ITGA6: variants seen among roughly 807,000 people sequenced by gnomAD.
The protein encoded by ITGA6 is integrin subunit alpha 6.
A neutral mutation model predicts 133.6 loss-of-function variants in ITGA6; 63 were observed. That is an observed-to-expected ratio of 0.47 (90% CI 0.38 to 0.58). The LOEUF is 0.58. ITGA6 is among the 20% of genes least tolerant of loss of function. ITGA6 has a pLI of 0.00. For missense variants in ITGA6, 1,068 were observed against 1,309.4 expected (o/e 0.82, Z 2.85); for synonymous variants, 434 against 482.0 (o/e 0.90, Z 1.30).
intron 1 of ITGA6, among the ~76,000 whole-genome samples, chr2:172,433,262 C>T (rs1039597662): frequency 6.6e-6 from 1 of 152,144 alleles, no homozygotes; most frequent in Non-Finnish European, 1.5e-5. Flanking sequence ...CTTGGGCAAC[C>T]TTTTATAAAA....
chr2:172,453,966 GTC>G (rs1445323842), intron 1 of ITGA6, among the ~76,000 whole-genome samples: 1 of 152,172 alleles, frequency 6.6e-6, no homozygotes, highest in African/African-American at 2.4e-5. Flanking sequence ...TGAGCAAATG[GTC>G]TCACACACAG....
intron 20 of ITGA6, 180 bp from the exon 21 acceptor site, chr2:172,490,844 G>C: frequency 1.7e-6 from 1 of 578,322 alleles, no homozygotes; most frequent in South Asian, 2.0e-5. Flanking sequence ...CAATAAACTT[G>C]AATTTAGAGT....
chr2:172,453,533 A>G (rs1211528855), intron 1 of ITGA6, among the ~76,000 whole-genome samples: 1 of 152,302 alleles, frequency 6.6e-6, no homozygotes, highest in East Asian at 1.9e-4. Flanking sequence ...AAAGAAAATC[A>G]CAGTATACAT....
Position 172,504,273 on chromosome 2 carries a change from G to T in ITGA6, c.*205G>T. The T allele has an allele frequency of 7.7e-7, 1 of 1,307,124 alleles. No individual in the cohort carries two copies. The allele number at this position is 1,307,124 out of a possible 1,614,324, so 81.0% of individuals were successfully genotyped here. On this transcript the variant is annotated 3_prime_UTR_variant, in exon 26 of 26. Transcript: ENST00000684293. ...CATAGCGGGGGCCTAAAAAAAAAAA[G>T]CTTCACAGTACCCAAACTGCTTTTT...
At chr2:172,449,938 AAAAAAGAG>A (rs1391407358) in intron 1 of ITGA6, among the ~76,000 whole-genome samples, 3 of 151,674 alleles carry the variant, frequency 2.0e-5, no homozygotes, top group Non-Finnish European at 2.9e-5. Flanking sequence ...AAAAAAAAAA[AAAAAAGAG>A]AGAGAAGAGG....
rs531421010 is a variant in ITGA6, at chr2:172,453,285, C to T, written c.183-12254C>T. ...CTCATACCTGTAATCCCAGCACTTC[C>T]GGAGGCCGAGGCAGGAGGATCGCTT... On this transcript the variant is annotated intron_variant, in intron 1 of 25. Coordinates refer to ENST00000684293, the MANE Select transcript of ITGA6 (RefSeq NM_000210.4). Among the ~76,000 whole-genome samples the T allele has an allele frequency of 2.3e-4, 35 of 150,692 alleles. 1 individual carries two copies. Among genetic ancestry groups the T allele is most frequent in the African/African-American group, 8.2e-4 (33 of 40,234 alleles).
chr2:172,465,959 T>C, intron 2 of ITGA6: 1 of 486,458 alleles, frequency 2.1e-6, no homozygotes, highest in African/African-American at 1.9e-5. Context: ...AAAAACTCAT[T>C]TCATAGCAAT....
At chr2:172,474,300 C>A in intron 6 of ITGA6, 35 bp downstream of exon 6, 2 of 1,567,368 alleles carry the variant, frequency 1.3e-6, no homozygotes, top group South Asian at 2.2e-5. Context: ...TGCTGCAAAT[C>A]ATTTCTGCTT....
intron 9 of ITGA6, among the ~76,000 whole-genome samples, chr2:172,478,788 A>G (rs1462797913): frequency 5.9e-5 from 9 of 152,174 alleles, no homozygotes; most frequent in Non-Finnish European, 4.4e-5. Flanking sequence ...AGGAAGGCAA[A>G]GACTGAAGGT....
Position 172,505,726 on chromosome 2 carries a change from G to A in ITGA6, c.*1658G>A, listed in dbSNP as rs1687532922. The stretch of plus-strand genomic sequence containing the variant: ...TTGTAGTGCCACTGTTGTTTTGGGG[G>A]GGCTTTTTTCTTTTCGGAAATCTTA... On this transcript the variant is annotated 3_prime_UTR_variant, in exon 26 of 26. Transcript: ENST00000684293. The A allele has an allele frequency of 1.3e-5, 2 of 152,380 alleles. No individual in the cohort carries two copies. Among genetic ancestry groups the A allele is most frequent in the South Asian group, 4.2e-4 (2 of 4,808 alleles). 9.4% of individuals were successfully genotyped at this position (152,380 alleles called of 1,614,324 possible). A position where few individuals can be genotyped will look rare whatever the true frequency, so the allele number is the denominator to read the frequency against.
In ITGA6 at chr2:172,487,600, G is replaced by C. The variant is rs757377437; in HGVS notation, c.2214G>C (p.Glu738Asp). ...AGAATGGCTCGCAAGCTGACTGTGA[G>C]CTCGGAAATCCTTTTAAAAGAAATT... ...ANQNGSQADC[E>D]LGNPFKRNSN... The change falls in exon 16 of 26, where the codon GAG becomes GAC. Residue 738 changes from glutamate to aspartate, a missense_variant. Around this residue, in one of 3 missense-constraint regions of ITGA6, gnomAD observed 609 missense variants for 707.2 expected, o/e 0.86. Transcript: ENST00000684293. 6.2e-7 allele frequency: 1 copy of C among 1,614,060 alleles called. No individual in the cohort carries two copies. Among genetic ancestry groups the C allele is most frequent in the Non-Finnish European group, 8.5e-7 (1 of 1,180,024 alleles).
chr2:172,464,192 C>T (rs977916417), intron 1 of ITGA6: 3 of 152,364 alleles, frequency 2.0e-5, no homozygotes, highest in African/African-American at 7.2e-5. Flanking sequence ...CCCCTCCCTG[C>T]TTTCCAGGTA....
intron 1 of ITGA6, among the ~76,000 whole-genome samples, chr2:172,456,735 G>C (rs114443869): frequency 0.015 from 2,339 of 152,334 alleles, 31 homozygotes; most frequent in South Asian, 0.062. Flanking sequence ...AGCATAGACA[G>C]CTCTCTGATG....
intron 24 of ITGA6, among the ~76,000 whole-genome samples, chr2:172,500,862 G>T (rs1235860130): frequency 6.6e-6 from 1 of 152,184 alleles, no homozygotes; most frequent in African/African-American, 2.4e-5. Flanking sequence ...AGTTTTAAAT[G>T]TAATTTAAAT....
At chr2:172,427,445 G>C, upstream of ITGA6, 1 of 1,047,898 alleles carries the variant, frequency 9.5e-7, no homozygotes, top group Non-Finnish European at 1.1e-6. Context: ...CAGGTACCGG[G>C]CAGCTGGAGA....
intron 1 of ITGA6, among the ~76,000 whole-genome samples, chr2:172,460,049 T>C (rs1306988619): frequency 6.6e-6 from 1 of 152,120 alleles, no homozygotes; most frequent in Non-Finnish European, 1.5e-5. Context: ...CACAAAGCAA[T>C]TGATAGAATG....
chr2:172,441,143 T>A (rs1237204043), intron 1 of ITGA6, among the ~76,000 whole-genome samples: 1 of 152,214 alleles, frequency 6.6e-6, no homozygotes, highest in Non-Finnish European at 1.5e-5. Flanking sequence ...TCTCCGTTGC[T>A]CTCATCCTGT....
chr2:172,465,699 C>G (rs1559133457), intron 2 of ITGA6, 36 bp downstream of exon 2: 1 of 1,613,930 alleles, frequency 6.2e-7, no homozygotes, highest in East Asian at 2.2e-5. Context: ...TTCACTCCGG[C>G]AGCTTGCCTG....
Position 172,474,193 on chromosome 2 carries a change from A to C in ITGA6, c.914A>C (p.His305Pro). ...AAGTCTGCACATCTCCTCCCTGAGC[A>C]CATATTCGATGGAGAAGGTCTGGCC... Reference protein sequence around the residue: ...DMKSAHLLPEHIFDGEGLASS... With the variant: ...DMKSAHLLPEPIFDGEGLASS... The change falls in exon 6 of 26, where the codon CAC becomes CCC. Residue 305 changes from histidine to proline, a missense_variant. Transcript: ENST00000684293. The C allele has an allele frequency of 6.2e-7, 1 of 1,614,112 alleles. No homozygotes were observed. Among genetic ancestry groups the C allele is most frequent in the Non-Finnish European group, 8.5e-7 (1 of 1,180,024 alleles).
Sources: allele counts gnomAD v4.1 joint callset (sites outside exome capture counted in the v4.1 genomes callset), GRCh38; gene constraint gnomAD v4.1.1; regional missense constraint gnomAD v4.1.1; transcripts MANE v1.5; gene names NCBI Gene and HGNC (gene_info 2026-07-23, HGNC 2026-07-21).